MYT1: variants seen among roughly 807,000 people sequenced by gnomAD.
The protein encoded by MYT1 is myelin transcription factor 1.
MYT1 carries 23 observed loss-of-function variants against 123.0 expected under a neutral mutation model. That is an observed-to-expected ratio of 0.19 (90% CI 0.13 to 0.26). The LOEUF (loss-of-function observed/expected upper bound fraction) is 0.26, where lower values mean the gene tolerates loss of function less well. MYT1 is among the 10% of genes least tolerant of loss of function. The probability of loss-of-function intolerance (pLI) is 1.00; values close to 1 mark genes in which losing one functional copy is unlikely to be tolerated. For missense variants in MYT1, 1,125 were observed against 1,472.5 expected (o/e 0.76, Z 3.86); for synonymous variants, 518 against 575.3 (o/e 0.90, Z 1.43).
chr20:64,172,580 T>A (rs1282279721), intron 1 of MYT1, among the ~76,000 whole-genome samples: 1 of 151,940 alleles, frequency 6.6e-6, no homozygotes, highest in Non-Finnish European at 1.5e-5. Flanking sequence ...AGCTGAACGG[T>A]TCTAAGAAAA....
intron 1 of MYT1, among the ~76,000 whole-genome samples, chr20:64,176,242 T>C: frequency 1.5e-5 from 1 of 67,218 alleles, no homozygotes. Flanking sequence ...TGCAGCATCT[T>C]TCCCTGTAGT....
chr20:64,230,644 G>A (rs1297528502), intron 18 of MYT1, among the ~76,000 whole-genome samples: 4 of 152,182 alleles, frequency 2.6e-5, no homozygotes, highest in Non-Finnish European at 5.9e-5. Context: ...TGTCCCCCAG[G>A]GTCCCATGGC....
intron 16 of MYT1, among the ~76,000 whole-genome samples, chr20:64,225,679 G>A (rs953991704): frequency 6.6e-6 from 1 of 152,192 alleles, no homozygotes; most frequent in Non-Finnish European, 1.5e-5. Context: ...AGAAGCAGGT[G>A]GTGGGAGGGG....
intron 7 of MYT1, among the ~76,000 whole-genome samples, chr20:64,209,368 A>T (rs535079567): frequency 6.6e-6 from 1 of 152,274 alleles, no homozygotes; most frequent in Non-Finnish European, 1.5e-5. Flanking sequence ...CAGGCCTTGG[A>T]CAGGTCAGCT....
chr20:64,179,833 TAC>T (rs1200524420), intron 1 of MYT1, among the ~76,000 whole-genome samples: 1 of 151,478 alleles, frequency 6.6e-6, no homozygotes, highest in Non-Finnish European at 1.5e-5. Context: ...TACACAATGC[TAC>T]ACACACACAG....
In MYT1 at chr20:64,236,004, G is replaced by A. The variant is rs369802250; in HGVS notation, c.2898-551G>A. On this transcript the variant is annotated intron_variant, in intron 19 of 22. Transcript: ENST00000328439. ...CGGTGGGTGACCCTGGGCTGGCCGC[G>A]GTGGGTGACCCTGGGCTGGCCGCGG... Among the ~76,000 whole-genome samples the A allele has an allele frequency of 2.3e-4, 31 of 131,920 alleles. 1 individual carries two copies. Among genetic ancestry groups the A allele is most frequent in the East Asian group, 2.3e-3 (10 of 4,344 alleles). The allele number at this position is 131,920 out of a possible 152,430, so 86.5% of individuals were successfully genotyped here. A position where few individuals can be genotyped will look rare whatever the true frequency, so the allele number is the denominator to read the frequency against.
chr20:64,176,511 C>T lies in MYT1; in HGVS notation c.-99+11772C>T, dbSNP rs1333212783. On this transcript the variant is annotated intron_variant, in intron 1 of 22. Transcript: ENST00000328439. Reference sequence around the variant, plus strand: ...CCTCTTCTAGCATCTTTCCTGCTCCCTGGTAGCCTCTTGGGAGCCACCTAT... The same window carrying T: ...CCTCTTCTAGCATCTTTCCTGCTCCTTGGTAGCCTCTTGGGAGCCACCTAT... Among the ~76,000 whole-genome samples the T allele has an allele frequency of 2.6e-5, 4 of 151,610 alleles. 1 individual carries two copies. The highest frequency in any genetic ancestry group is 9.7e-5 in the African/African-American group (4 of 41,238).
At chr20:64,211,461 T>C (rs1000023345) in intron 8 of MYT1, 121 bp downstream of exon 8, 6 of 1,045,840 alleles carry the variant, frequency 5.7e-6, no homozygotes, top group African/African-American at 3.2e-5. Context: ...CTTTGGTTTG[T>C]CCAGATGCTC....
intron 8 of MYT1, 133 bp from the exon 9 acceptor site, chr20:64,211,915 C>G: frequency 1.4e-6 from 1 of 727,266 alleles, no homozygotes; most frequent in East Asian, 2.6e-5. Flanking sequence ...GTTGCTGTGT[C>G]CCCCACCTGC....
At chr20:64,236,892 G>A (rs1040849047) in intron 20 of MYT1, among the ~76,000 whole-genome samples, 1 of 152,172 alleles carries the variant, frequency 6.6e-6, no homozygotes, top group African/African-American at 2.4e-5. Context: ...TGCGGCTTTG[G>A]TGACCACTGG....
rs1342218176 is a variant in MYT1 at position 64,190,357 on chromosome 20, G to A, written c.-1+197G>A. ...ACTTTAAAATTAAGGGAAGAAAAATGACTCTGAGTAGATCAAAACTAAAAT... is the reference window on the plus strand; with the variant it reads ...ACTTTAAAATTAAGGGAAGAAAAATAACTCTGAGTAGATCAAAACTAAAAT... On this transcript the variant is annotated intron_variant, in intron 2 of 22. Coordinates refer to ENST00000328439, the MANE Select transcript of MYT1 (RefSeq NM_004535.3). The surrounding 1 kb of genome is among the most constrained non-coding windows in gnomAD (Gnocchi z 4.1). Among the ~76,000 whole-genome samples the A allele has an allele frequency of 3.3e-5, 5 of 152,224 alleles. No individual in the cohort carries two copies. Among genetic ancestry groups the A allele is most frequent in the Admixed American group, 2.0e-4 (3 of 15,288 alleles).
chr20:64,229,477 G>A (rs187836023), intron 18 of MYT1, among the ~76,000 whole-genome samples: 1 of 152,332 alleles, frequency 6.6e-6, no homozygotes, highest in Non-Finnish European at 1.5e-5. Context: ...GCCGAGTGGA[G>A]ACTGTGACTT....
rs1384480182 is a variant in MYT1, at chr20:64,192,401, G to A, written c.-1+2241G>A. On this transcript the variant is annotated intron_variant, in intron 2 of 22. Coordinates refer to ENST00000328439, the MANE Select transcript of MYT1 (RefSeq NM_004535.3). The surrounding 1 kb of genome is among the most constrained non-coding windows in gnomAD (Gnocchi z 5.3). ...AGGCTGAGGAGGGTGGCAGCAGAGGGCATAAGCCGTGGTCACAGTGTGAGA... is the reference window on the plus strand; with the variant it reads ...AGGCTGAGGAGGGTGGCAGCAGAGGACATAAGCCGTGGTCACAGTGTGAGA... Among the ~76,000 whole-genome samples the A allele has an allele frequency of 2.0e-5, 3 of 152,198 alleles. No homozygotes were observed. Among genetic ancestry groups the A allele is most frequent in the Non-Finnish European group, 4.4e-5 (3 of 68,026 alleles).
chr20:64,192,351 G>T lies in MYT1; in HGVS notation c.-1+2191G>T, dbSNP rs1311895771. Among the ~76,000 whole-genome samples, 1 of 152,214 alleles carries T rather than the reference G, an allele frequency of 6.6e-6. No individual in the cohort carries two copies. Among genetic ancestry groups the T allele is most frequent in the African/African-American group, 2.4e-5 (1 of 41,452 alleles). ...TGCCTAGAGGACAGTGGGGCAGCAG[G>T]TGCAAGTAGAATCTCCTGACTAAGA... On this transcript the variant is annotated intron_variant, in intron 2 of 22. Coordinates refer to ENST00000328439, the MANE Select transcript of MYT1 (RefSeq NM_004535.3). This position sits in a 1 kb window ranked among gnomAD's most constrained non-coding sequence, Gnocchi z 5.3.
chr20:64,203,643 C>T lies in MYT1; in HGVS notation c.87-1392C>T, dbSNP rs1983390945. On this transcript the variant is annotated intron_variant, in intron 4 of 22. Transcript: ENST00000328439. This position sits in a 1 kb window ranked among gnomAD's most constrained non-coding sequence, Gnocchi z 5.1. The stretch of plus-strand genomic sequence containing the variant: ...GGAAGGCTGCAGAGAACATCCCCCT[C>T]CCCCACCCCATGGCTGCTGTTGAGC... Among the ~76,000 whole-genome samples, 1 of 152,214 alleles carries T rather than the reference C, an allele frequency of 6.6e-6. No homozygotes were observed. The highest frequency in any genetic ancestry group is 6.5e-5 in the Admixed American group (1 of 15,284).
rs1382550297 is a variant in MYT1 at position 64,202,910 on chromosome 20, C to G, written c.87-2125C>G. On this transcript the variant is annotated intron_variant, in intron 4 of 22. Transcript: ENST00000328439. This position sits in a 1 kb window ranked among gnomAD's most constrained non-coding sequence, Gnocchi z 5.0. ...CCTGGAGCCCTGGCCGTCTTCCTCT[C>G]CCTACAACTCTGGCCCTGAGCACCC... is the stretch of plus-strand genomic sequence containing the variant. Among the ~76,000 whole-genome samples, 4 of 152,222 alleles carry G rather than the reference C, an allele frequency of 2.6e-5. No individual in the cohort carries two copies. Among genetic ancestry groups the G allele is most frequent in the African/African-American group, 7.2e-5 (3 of 41,456 alleles).
chr20:64,219,439 G>C (rs886282756), intron 12 of MYT1, among the ~76,000 whole-genome samples: 2 of 152,214 alleles, frequency 1.3e-5, no homozygotes, highest in Non-Finnish European at 2.9e-5. Flanking sequence ...CACTCTCCTT[G>C]CTCAGAGGAC....
intron 1 of MYT1, among the ~76,000 whole-genome samples, chr20:64,178,557 G>A (rs1982539921): frequency 6.6e-6 from 1 of 151,836 alleles, no homozygotes; most frequent in African/African-American, 2.4e-5. Flanking sequence ...GGAGCACTGA[G>A]CCGTTATTCG....
intron 16 of MYT1, among the ~76,000 whole-genome samples, chr20:64,225,860 C>G (rs143089350): frequency 1.3e-4 from 20 of 152,188 alleles, no homozygotes; most frequent in African/African-American, 3.1e-4. Context: ...GATGGCCCCC[C>G]CTGTGTGTTA....
Sources: allele counts gnomAD v4.1 joint callset (sites outside exome capture counted in the v4.1 genomes callset), GRCh38; gene constraint gnomAD v4.1.1; non-coding constraint Gnocchi (gnomAD v3.1); transcripts MANE v1.5; gene names NCBI Gene and HGNC (gene_info 2026-07-23, HGNC 2026-07-21).